The following GRID1 variants were observed in gnomAD, a reference collection of about 807,000 sequenced individuals.
GRID1 encodes the protein glutamate ionotropic receptor delta type subunit 1.
Under a neutral mutation model 98.0 loss-of-function variants are expected in GRID1, and 28 were observed. The ratio of observed to expected loss-of-function variants is 0.29; its 90% CI spans 0.21 to 0.39. The LOEUF (loss-of-function observed/expected upper bound fraction) is 0.39, where lower values mean the gene tolerates loss of function less well. Among genes scored for constraint, GRID1 ranks in the 10% least tolerant of loss-of-function variants. The probability of loss-of-function intolerance (pLI) is 1.00; values close to 1 mark genes in which losing one functional copy is unlikely to be tolerated. For synonymous variants in GRID1, 553 were observed against 538.5 expected, an observed-to-expected ratio of 1.03 and a Z score of -0.37; for missense variants, 1,111 against 1,340.5, an observed-to-expected ratio of 0.83 and a Z score of 2.67.
chr10:85,699,970 G>T (rs183691210), intron 12 of GRID1, among the ~76,000 whole-genome samples: 1 of 152,178 alleles, frequency 6.6e-6, no homozygotes, highest in Non-Finnish European at 1.5e-5. Context: ...CATCAGAATA[G>T]TTTCTAATGC....
intron 4 of GRID1, among the ~76,000 whole-genome samples, chr10:86,130,156 G>A (rs1279452966): frequency 1.3e-5 from 2 of 152,214 alleles, no homozygotes; most frequent in Non-Finnish European, 2.9e-5. Context: ...CTAGGTTCAT[G>A]AGTAACAACA....
At position 85,854,568 on chromosome 10, in the gene GRID1, A is replaced by G. The variant is rs560948829; in HGVS notation, c.1161T>C (p.Ser387=). ...LTGVMEFRED[S]SNPYVQFEIL... is the part of the protein sequence containing the mutation. The stretch of plus-strand genomic sequence containing the variant: ...TTTCAAACTGGACATAGGGATTCGA[A>G]CTGTCCTCCCGAAACTCCATCACCC... The change falls in exon 8 of 16, where the codon AGT becomes AGC. Residue 387 remains serine, a synonymous_variant. Coordinates refer to ENST00000327946, the MANE Select transcript of GRID1 (RefSeq NM_017551.3). 1.2e-6 allele frequency: 2 copies of G among 1,613,552 alleles called. No individual in the cohort carries two copies. The highest frequency in any genetic ancestry group is 2.2e-5 in the East Asian group (1 of 44,866).
intron 2 of GRID1, among the ~76,000 whole-genome samples, chr10:86,361,095 T>C (rs984523646): frequency 1.3e-5 from 2 of 152,148 alleles, no homozygotes; most frequent in Non-Finnish European, 2.9e-5. Flanking sequence ...AGCAGTGAGA[T>C]ATAAGGCATT....
intron 4 of GRID1, among the ~76,000 whole-genome samples, chr10:85,927,638 C>T (rs1040488727): frequency 9.9e-5 from 15 of 152,146 alleles, no homozygotes; most frequent in African/African-American, 3.1e-4. Flanking sequence ...TGGCTATACC[C>T]GGTGTTTATT....
Position 85,613,641 on chromosome 10 carries a change from C to T in GRID1, c.2367G>A (p.Leu789=). 1 of 1,613,428 alleles carries T rather than the reference C, an allele frequency of 6.2e-7. No individual in the cohort carries two copies. Among genetic ancestry groups the T allele is most frequent in the Non-Finnish European group, 8.5e-7 (1 of 1,179,508 alleles). Residue 789 remains leucine (L), a synonymous_variant, in exon 15 of 16, where the codon CTG becomes CTA. Coordinates refer to ENST00000327946, the MANE Select transcript of GRID1 (RefSeq NM_017551.3). ...CCAGGTCCCCTGTGTCCTGCAGCTC[C>T]AGGATCCTGTAAGACACAATCAAGG... ...PYRDLFSQRI[L]ELQDTGDLDV...
rs1490934926 is a variant in GRID1 at position 85,619,989 on chromosome 10, C to T, written c.2238G>A (p.Val746=). ...NYAFLWDVAV[V]EYAALTDDDC... is the part of the protein sequence containing the mutation. Reference sequence around the variant, plus strand: ...CGTCATCCGTCAGGGCTGCGTATTCCACCACGGCCACATCCCACAGGAAGG... The same window carrying T: ...CGTCATCCGTCAGGGCTGCGTATTCTACCACGGCCACATCCCACAGGAAGG... The change falls in exon 14 of 16, where the codon GTG becomes GTA. Residue 746 remains valine (V), a synonymous_variant. Coordinates refer to ENST00000327946, the MANE Select transcript of GRID1 (RefSeq NM_017551.3). 1.9e-6 allele frequency: 3 copies of T among 1,614,086 alleles called. No individual in the cohort carries two copies. Among genetic ancestry groups the T allele is most frequent in the Non-Finnish European group, 2.5e-6 (3 of 1,179,928 alleles).
At chr10:86,208,653 C>T (rs920558994) in intron 2 of GRID1, among the ~76,000 whole-genome samples, 1 of 152,232 alleles carries the variant, frequency 6.6e-6, no homozygotes, top group African/African-American at 2.4e-5. Context: ...CTGCACTTCC[C>T]TGTCATGAGC....
chr10:86,315,002 C>T (rs1230350667), intron 2 of GRID1, among the ~76,000 whole-genome samples: 1 of 54,260 alleles, frequency 1.8e-5, no homozygotes, highest in African/African-American at 3.2e-5. Flanking sequence ...CCAGGACTGA[C>T]CTTCTGCCCC....
At chr10:86,324,383 C>T (rs762482146) in intron 2 of GRID1, among the ~76,000 whole-genome samples, 4 of 152,060 alleles carry the variant, frequency 2.6e-5, no homozygotes, top group Non-Finnish European at 1.5e-5. Context: ...ACTAGAAAAA[C>T]AAACATGTAA....
intron 4 of GRID1, among the ~76,000 whole-genome samples, chr10:86,088,690 G>A (rs1295553781): frequency 1.3e-5 from 2 of 152,100 alleles, no homozygotes; most frequent in African/African-American, 2.4e-5. Flanking sequence ...TCCCCACTAA[G>A]TACAACTAAA....
intron 4 of GRID1, among the ~76,000 whole-genome samples, chr10:85,919,562 T>C (rs1231377038): frequency 6.6e-6 from 1 of 152,182 alleles, no homozygotes; most frequent in Non-Finnish European, 1.5e-5. Flanking sequence ...GCCAGCTCTG[T>C]GGGAAGAGCC....
chr10:85,810,580 A>G lies in GRID1; in HGVS notation c.1233+43916T>C, dbSNP rs113978526. On this transcript the variant is annotated intron_variant, in intron 8 of 15. Transcript: ENST00000327946. Reference sequence around the variant, plus strand: ...GTAAGAGAAACACTCCAGCAGACCCATTCCAGGCAGACCTGGCCTTAAGCT... The same window carrying G: ...GTAAGAGAAACACTCCAGCAGACCCGTTCCAGGCAGACCTGGCCTTAAGCT... 4.6e-3 allele frequency among the ~76,000 whole-genome samples: 693 copies of G among 152,282 alleles called. 2 individuals carry two copies. Among genetic ancestry groups the G allele is most frequent in the African/African-American group, 0.015 (644 of 41,580 alleles).
chr10:85,824,429 C>G (rs564117072), intron 8 of GRID1, among the ~76,000 whole-genome samples: 1 of 152,298 alleles, frequency 6.6e-6, no homozygotes, highest in Non-Finnish European at 1.5e-5. Context: ...CCAGGCTAGT[C>G]TCGAATTCCT....
intron 5 of GRID1, among the ~76,000 whole-genome samples, chr10:85,906,540 T>G (rs762705381): frequency 7.9e-5 from 12 of 152,272 alleles, no homozygotes; most frequent in Non-Finnish European, 1.5e-4. Flanking sequence ...ATCCAAATAA[T>G]AGAAACTCTA....
At chr10:85,772,924 A>T (rs1038020454) in intron 8 of GRID1, among the ~76,000 whole-genome samples, 1 of 152,202 alleles carries the variant, frequency 6.6e-6, no homozygotes, top group Admixed American at 6.5e-5. Flanking sequence ...TTCCTTCTGA[A>T]ACTATTCCAA....
At chr10:85,736,192 G>A (rs888770990) in intron 8 of GRID1, among the ~76,000 whole-genome samples, 2 of 138,114 alleles carry the variant, frequency 1.4e-5, no homozygotes, top group African/African-American at 6.1e-5. Context: ...AGGAAGGAGG[G>A]AAGGAAGGAA....
intron 4 of GRID1, among the ~76,000 whole-genome samples, chr10:85,960,599 G>A (rs1270919819): frequency 6.6e-6 from 1 of 152,164 alleles, no homozygotes; most frequent in African/African-American, 2.4e-5. Flanking sequence ...ATTTCCACCA[G>A]CCAAGGCTCA....
intron 2 of GRID1, among the ~76,000 whole-genome samples, chr10:86,311,832 C>T (rs1564735842): frequency 6.6e-6 from 1 of 152,206 alleles, no homozygotes; most frequent in Non-Finnish European, 1.5e-5. Context: ...CACTGAACTC[C>T]AGCCTGGGCA....
chr10:86,361,567 A>G (rs1848601013), intron 2 of GRID1, among the ~76,000 whole-genome samples: 1 of 152,154 alleles, frequency 6.6e-6, no homozygotes, highest in Admixed American at 6.5e-5. Flanking sequence ...AAACAGAGAA[A>G]CCAAGACCCA....
Sources: allele counts gnomAD v4.1 joint callset (sites outside exome capture counted in the v4.1 genomes callset), GRCh38; gene constraint gnomAD v4.1.1; transcripts MANE v1.5; gene names NCBI Gene and HGNC (gene_info 2026-07-23, HGNC 2026-07-21).